The following PACSIN1 variants were observed in gnomAD, a reference collection of about 807,000 sequenced individuals.
PACSIN1 encodes protein kinase C and casein kinase substrate in neurons protein 1.
Under a neutral mutation model 59.5 loss-of-function variants are expected in PACSIN1, and 15 were observed. That is an observed-to-expected ratio of 0.25 (90% CI 0.17 to 0.39). The LOEUF (loss-of-function observed/expected upper bound fraction) is 0.39. Ranked by LOEUF, PACSIN1 falls within the 10% of genes least tolerant of loss-of-function variation. PACSIN1 has a pLI of 1.00. For synonymous variants in PACSIN1, 210 were observed against 220.6 expected (o/e 0.95, Z 0.42); for missense variants, 420 against 580.2 (o/e 0.72, Z 2.84).
Position 34,523,342 on chromosome 6 carries a change from G to A in PACSIN1, c.-63-2901G>A, listed in dbSNP as rs112437677. On this transcript the variant is annotated intron_variant, in intron 1 of 9. Transcript: ENST00000244458. ...GTGATGCCCTGGGCTCACTTCTCCCGTGGTACCTGGACAAGCTCTGTCCCT... is the reference window on the plus strand; with the variant it reads ...GTGATGCCCTGGGCTCACTTCTCCCATGGTACCTGGACAAGCTCTGTCCCT... 9.8e-4 allele frequency among the ~76,000 whole-genome samples: 149 copies of A among 152,328 alleles called. 1 individual carries two copies. The highest frequency in any genetic ancestry group is 6.6e-3 in the South Asian group (32 of 4,828).
At chr6:34,500,003 A>G (rs988442018) in intron 1 of PACSIN1, among the ~76,000 whole-genome samples, 1 of 152,234 alleles carries the variant, frequency 6.6e-6, no homozygotes, top group Non-Finnish European at 1.5e-5. Context: ...ATATTTGCAA[A>G]TCCTATGTCT....
intron 1 of PACSIN1, among the ~76,000 whole-genome samples, chr6:34,469,936 A>C (rs999052894): frequency 1.2e-4 from 19 of 152,198 alleles, no homozygotes; most frequent in Admixed American, 1.2e-3. Flanking sequence ...GGAGCAATTT[A>C]GAATGTACTG....
intron 3 of PACSIN1, 56 bp downstream of exon 3, chr6:34,527,544 T>A: frequency 6.8e-7 from 1 of 1,480,926 alleles, no homozygotes; most frequent in Non-Finnish European, 9.0e-7. Context: ...GCCCCCTAGG[T>A]CTGGGTCCTA....
intron 3 of PACSIN1, among the ~76,000 whole-genome samples, chr6:34,527,885 A>G (rs749962740): frequency 4.7e-4 from 71 of 152,166 alleles, no homozygotes; most frequent in Non-Finnish European, 5.9e-4. Flanking sequence ...TAAATTCTTC[A>G]TGTATCTCCT....
At chr6:34,478,369 CTTTTTTT>C (rs35124068) in intron 1 of PACSIN1, among the ~76,000 whole-genome samples, 1 of 67,888 alleles carries the variant, frequency 1.5e-5, no homozygotes, top group Non-Finnish European at 2.6e-5. Context: ...TATTTATCTT[CTTTTTTT>C]TTTTTTTTTT....
chr6:34,496,942 T>TTTG (rs1554168794), intron 1 of PACSIN1, among the ~76,000 whole-genome samples: 287 of 3,166 alleles, frequency 0.091, 1 homozygote, highest in African/African-American at 0.25. Context: ...TCTCTCTCTC[T>TTTG]TTTTTTTTTT....
At chr6:34,493,744 A>G (rs6904220) in intron 1 of PACSIN1, among the ~76,000 whole-genome samples, 1 of 135,206 alleles carries the variant, frequency 7.4e-6, no homozygotes, top group South Asian at 2.5e-4. Context: ...GGTCTTCAAA[A>G]CCAAATCCTG....
chr6:34,466,411 A>G (rs567334659), intron 1 of PACSIN1, 141 bp downstream of exon 1: 25 of 152,550 alleles, frequency 1.6e-4, no homozygotes, highest in African/African-American at 5.8e-4. Context: ...TTGCCTGGAG[A>G]GAAGCGGGTG....
chr6:34,523,979 C>T (rs542325106), intron 1 of PACSIN1, among the ~76,000 whole-genome samples: 133 of 152,336 alleles, frequency 8.7e-4, no homozygotes, highest in African/African-American at 3.1e-3. Flanking sequence ...ATTTCGTCCT[C>T]ATTTCCCAGC....
chr6:34,507,323 T>A (rs572432998), intron 1 of PACSIN1, among the ~76,000 whole-genome samples: 2 of 152,226 alleles, frequency 1.3e-5, no homozygotes, highest in African/African-American at 2.4e-5. Flanking sequence ...AGATCTCTAG[T>A]CAGTCTGTCT....
chr6:34,498,844 C>A (rs1398443786), intron 1 of PACSIN1, among the ~76,000 whole-genome samples: 1 of 149,310 alleles, frequency 6.7e-6, no homozygotes, highest in Non-Finnish European at 1.5e-5. Flanking sequence ...AACTGGATAT[C>A]CACATTCAAA....
intron 1 of PACSIN1, among the ~76,000 whole-genome samples, chr6:34,508,546 C>T (rs1294799522): frequency 1.3e-5 from 2 of 152,178 alleles, no homozygotes; most frequent in African/African-American, 2.4e-5. Flanking sequence ...GGATTAGAGG[C>T]GTGAGTCACT....
At chr6:34,482,021 T>C (rs180789259) in intron 1 of PACSIN1, among the ~76,000 whole-genome samples, 2 of 152,354 alleles carry the variant, frequency 1.3e-5, no homozygotes, top group East Asian at 3.9e-4. Context: ...TTCTGGAAGA[T>C]TCATATAAAT....
chr6:34,471,147 C>T (rs1414668682), intron 1 of PACSIN1, among the ~76,000 whole-genome samples: 1 of 152,044 alleles, frequency 6.6e-6, no homozygotes, highest in Non-Finnish European at 1.5e-5. Context: ...GGGGTTTCGC[C>T]ATGTTGGCCA....
intron 1 of PACSIN1, among the ~76,000 whole-genome samples, chr6:34,467,607 G>A (rs970140514): frequency 2.2e-5 from 3 of 136,638 alleles, no homozygotes; most frequent in Non-Finnish European, 4.6e-5. Flanking sequence ...TGCCCAGGCT[G>A]GAGTGCAATG....
chr6:34,498,816 AAG>A (rs1554168906), intron 1 of PACSIN1, among the ~76,000 whole-genome samples: 11 of 151,096 alleles, frequency 7.3e-5, no homozygotes, highest in Admixed American at 1.3e-4. Context: ...AAAAAAAAAA[AAG>A]TGTCCCAGGT....
rs1458772275 is a variant in PACSIN1 at position 34,526,345 on chromosome 6, G to A, written c.40G>A (p.Glu14Lys). ...CGATGAGGCCTCACTGGCGCCAGAG[G>A]AGACCACCGACAGCTTCTGGGAGGT... The part of the protein sequence containing the change: ...SYDEASLAPE[E>K]TTDSFWEVGN... Residue 14 changes from glutamate (E) to lysine (K), a missense_variant, in exon 2 of 10, where the codon GAG becomes AAG. By Grantham distance (56) the Glu-to-Lys change is moderately conservative. Transcript: ENST00000244458. The A allele has an allele frequency of 6.2e-7, 1 of 1,612,266 alleles. No homozygotes were observed. The highest frequency in any genetic ancestry group is 8.5e-7 in the Non-Finnish European group (1 of 1,179,890).
intron 1 of PACSIN1, among the ~76,000 whole-genome samples, chr6:34,486,691 G>C (rs1016630632): frequency 5.9e-5 from 9 of 152,124 alleles, no homozygotes; most frequent in Non-Finnish European, 2.9e-5. Context: ...CCCCTGCAGG[G>C]CTGCCTTCCG....
At chr6:34,507,518 C>T (rs565889042) in intron 1 of PACSIN1, among the ~76,000 whole-genome samples, 4 of 151,756 alleles carry the variant, frequency 2.6e-5, no homozygotes, top group African/African-American at 9.7e-5. Flanking sequence ...TTCTCTTGCT[C>T]GGCATGATGT....
Sources: gnomAD v4.1 joint callset for allele counts (sites outside exome capture counted in the v4.1 genomes callset) on GRCh38, gnomAD v4.1.1 for gene constraint, MANE v1.5 for transcripts, NCBI Gene and HGNC (gene_info 2026-07-23, HGNC 2026-07-21) for gene names.